The following MRS2 variants were observed in gnomAD, a reference collection of about 807,000 sequenced individuals.
The protein encoded by MRS2 is magnesium transporter MRS2, also known as magnesium transporter MRS2 homolog, mitochondrial.
A neutral mutation model predicts 52.6 loss-of-function variants in MRS2; 40 were observed. That is an observed-to-expected ratio of 0.76 (90% CI 0.59 to 0.99). MRS2 has a LOEUF of 0.99. Among genes scored for constraint, MRS2 ranks in the 50% least tolerant of loss-of-function variants. The pLI is 0.00. For synonymous variants in MRS2, 193 were observed against 195.9 expected (o/e 0.98, Z 0.13); for missense variants, 472 against 532.7 (o/e 0.89, Z 1.12).
intron 9 of MRS2, among the ~76,000 whole-genome samples, chr6:24,421,481 G>T (rs1762038773): frequency 6.6e-6 from 1 of 152,168 alleles, no homozygotes; most frequent in Non-Finnish European, 1.5e-5. Context: ...ATTTGCCATG[G>T]TGAATCTGAG....
chr6:24,411,667 T>A (rs1260158949), intron 4 of MRS2, among the ~76,000 whole-genome samples: 1 of 152,172 alleles, frequency 6.6e-6, no homozygotes, highest in Admixed American at 6.5e-5. Context: ...GCCTCTGAAG[T>A]AGCTGGGACT....
intron 5 of MRS2, 89 bp from the exon 6 acceptor site, chr6:24,414,944 G>C: frequency 8.3e-7 from 1 of 1,209,362 alleles, no homozygotes; most frequent in East Asian, 2.4e-5. Flanking sequence ...AGCTACTACA[G>C]ATTTCTGTAT....
chr6:24,409,784 T>C (rs767978507), intron 4 of MRS2, among the ~76,000 whole-genome samples: 4 of 152,234 alleles, frequency 2.6e-5, no homozygotes, highest in Non-Finnish European at 5.9e-5. Flanking sequence ...AACACTGCTG[T>C]GTTTTAAGTT....
At chr6:24,406,495 C>G (rs1761480549) in intron 2 of MRS2, among the ~76,000 whole-genome samples, 1 of 152,154 alleles carries the variant, frequency 6.6e-6, no homozygotes, top group Non-Finnish European at 1.5e-5. Context: ...AAATCAGGGC[C>G]AGGCACGGTG....
rs1420609904 is a variant in MRS2 at position 24,424,682 on chromosome 6, T to C, written c.*988T>C. On this transcript the variant is annotated 3_prime_UTR_variant, in exon 11 of 11. Transcript: ENST00000378386. ...AATATTTTCTGGAGGTTAAGTACAG[T>C]TAGGCACTAGAACATTTGTTAAGCC... 3 of 152,206 alleles carry C rather than the reference T, an allele frequency of 2.0e-5. No homozygotes were observed. Among genetic ancestry groups the C allele is most frequent in the African/African-American group, 2.4e-5 (1 of 41,458 alleles). 9.4% of individuals were successfully genotyped at this position (152,206 alleles called of 1,614,324 possible). A position where few individuals can be genotyped will look rare whatever the true frequency, so the allele number is the denominator to read the frequency against.
intron 9 of MRS2, among the ~76,000 whole-genome samples, chr6:24,422,116 C>T (rs1762063035): frequency 6.6e-6 from 1 of 152,156 alleles, no homozygotes; most frequent in Non-Finnish European, 1.5e-5. Context: ...AGCCACTGGA[C>T]TCCATCCTGG....
intron 2 of MRS2, among the ~76,000 whole-genome samples, chr6:24,408,165 G>T (rs1484073132): frequency 6.6e-6 from 1 of 151,990 alleles, no homozygotes; most frequent in Non-Finnish European, 1.5e-5. Flanking sequence ...CTTTCTAGAG[G>T]AACCAAGATA....
chr6:24,407,077 G>A (rs112170461), intron 2 of MRS2, among the ~76,000 whole-genome samples: 18,590 of 139,782 alleles, frequency 0.13, 1,447 homozygotes, highest in East Asian at 0.22. Context: ...AGACTGCAAA[G>A]CAGTATGTAT....
chr6:24,419,727 C>T (rs1001545964), intron 9 of MRS2, among the ~76,000 whole-genome samples: 1 of 152,160 alleles, frequency 6.6e-6, no homozygotes, highest in Non-Finnish European at 1.5e-5. Flanking sequence ...TGGTTTTGTA[C>T]AGTCATCCCT....
Position 24,418,120 on chromosome 6 carries a change from G to A in MRS2, c.873G>A (p.Glu291=), listed in dbSNP as rs2793422. Residue 291 remains glutamate, a synonymous_variant, in exon 8 of 11, where the codon GAG becomes GAA. Coordinates refer to ENST00000378386, the MANE Select transcript of MRS2 (RefSeq NM_020662.4). ...KSSAGIDHAE[E]MELLLENYYR... is the part of the protein sequence containing the mutation. ...GTGCTGGGATTGACCATGCAGAAGAGATGGAGTTGCTGTTGGAAAACTACT... is the reference window on the plus strand; with the variant it reads ...GTGCTGGGATTGACCATGCAGAAGAAATGGAGTTGCTGTTGGAAAACTACT... The A allele has an allele frequency of 0.34, 551,756 of 1,612,414 alleles. 99,023 individuals are homozygous for A. The highest frequency in any genetic ancestry group is 0.4 in the Middle Eastern group (2,404 of 6,042).
chr6:24,420,851 T>A (rs538865502), intron 9 of MRS2, among the ~76,000 whole-genome samples: 2 of 152,180 alleles, frequency 1.3e-5, no homozygotes, highest in South Asian at 2.1e-4. Flanking sequence ...AGAGCATGAG[T>A]CAGGTGGAAA....
At position 24,424,739 on chromosome 6, in the gene MRS2, G is replaced by C. The variant is rs1281010737; in HGVS notation, c.*1045G>C. On this transcript the variant is annotated 3_prime_UTR_variant, in exon 11 of 11. Coordinates refer to ENST00000378386, the MANE Select transcript of MRS2 (RefSeq NM_020662.4). ...AGTAGTGTGCATGGAAGATTCTAGA[G>C]TGTCCAGCTCTTGCACTACAAATGT... 6.6e-6 allele frequency: 1 copy of C among 152,186 alleles called. No homozygotes were observed. The highest frequency in any genetic ancestry group is 1.5e-5 in the Non-Finnish European group (1 of 68,048). 9.4% of individuals were successfully genotyped at this position (152,186 alleles called of 1,614,324 possible).
chr6:24,407,436 CCT>C (rs1476977971), intron 2 of MRS2, among the ~76,000 whole-genome samples: 1 of 152,028 alleles, frequency 6.6e-6, no homozygotes, highest in East Asian at 1.9e-4. Context: ...TAACCCAAGA[CCT>C]ATATTGTACT....
At chr6:24,405,824 G>A (rs997156156) in intron 2 of MRS2, among the ~76,000 whole-genome samples, 6 of 145,624 alleles carry the variant, frequency 4.1e-5, no homozygotes, top group African/African-American at 7.6e-5. Context: ...AAGGTGTGCC[G>A]GCCGGGCGTG....
intron 6 of MRS2, 142 bp from the exon 7 acceptor site, chr6:24,416,255 C>CT (rs35657958): frequency 0.11 from 44,640 of 391,088 alleles, 110 homozygotes; most frequent in Middle Eastern, 0.16. Context: ...AAATACTCAA[C>CT]TTTTTTTTTT....
rs761104846 is a variant in MRS2 at position 24,418,464 on chromosome 6, C to T, written c.993C>T (p.His331=). 3.1e-5 allele frequency: 50 copies of T among 1,613,952 alleles called. No individual in the cohort carries two copies. In the East Asian group the frequency reaches 1.1e-3, roughly 35 times the overall value. ...QSIIFINLDS[H]RNVMMRLNLQ... is the part of the protein sequence containing the mutation. Reference sequence around the variant, plus strand: ...GAATAGGTGTTCTCCTCTCCAGCCACCGAAACGTGATGATGAGGTTGAATC... The same window carrying T: ...GAATAGGTGTTCTCCTCTCCAGCCATCGAAACGTGATGATGAGGTTGAATC... Residue 331 remains histidine, a synonymous_variant, in exon 9 of 11, where the codon CAC becomes CAT. Transcript: ENST00000378386.
intron 9 of MRS2, chr6:24,419,109 CG>C (rs1761960359): frequency 1.3e-5 from 2 of 155,054 alleles, no homozygotes; most frequent in African/African-American, 4.8e-5. Context: ...TGGTGGCAGA[CG>C]CCTGTAGTCC....
intron 9 of MRS2, among the ~76,000 whole-genome samples, chr6:24,420,108 G>T (rs571664876): frequency 6.6e-6 from 1 of 152,098 alleles, no homozygotes; most frequent in African/African-American, 2.4e-5. Flanking sequence ...TAAAAATCCC[G>T]TCCTGCCGCA....
At position 24,425,022 on chromosome 6, in the gene MRS2, C is replaced by G. The variant is rs547424570; in HGVS notation, c.*1328C>G. On this transcript the variant is annotated 3_prime_UTR_variant, in exon 11 of 11. Coordinates refer to ENST00000378386, the MANE Select transcript of MRS2 (RefSeq NM_020662.4). ...GGAACAGGACAGGCTGGGCTAGACT[C>G]GAGCACGCAGTGGCCCCTGTGCCAC... is the stretch of plus-strand genomic sequence containing the variant. The G allele has an allele frequency of 6.6e-6, 1 of 152,232 alleles. No individual in the cohort carries two copies. Among genetic ancestry groups the G allele is most frequent in the Non-Finnish European group, 1.5e-5 (1 of 68,062 alleles). 9.4% of individuals were successfully genotyped at this position (152,232 alleles called of 1,614,324 possible).
Sources: gnomAD v4.1 joint callset for allele counts (sites outside exome capture counted in the v4.1 genomes callset) on GRCh38, gnomAD v4.1.1 for gene constraint, MANE v1.5 for transcripts, NCBI Gene and HGNC (gene_info 2026-07-23, HGNC 2026-07-21) for gene names.